Variants in KPNA5 observed in about 807,000 individuals in gnomAD.
The protein encoded by KPNA5 is karyopherin subunit alpha 5.
KPNA5 carries 46 observed loss-of-function variants against 71.3 expected under a neutral mutation model. The observed-to-expected ratio is 0.65, with a 90% confidence interval of 0.51 to 0.83. The LOEUF (loss-of-function observed/expected upper bound fraction) is 0.83. Among genes scored for constraint, KPNA5 ranks in the 40% least tolerant of loss-of-function variants. The pLI, the probability that KPNA5 is intolerant of heterozygous loss-of-function variation, is 0.00. For synonymous variants in KPNA5, 207 were observed against 201.4 expected (o/e 1.03, Z -0.24); for missense variants, 547 against 628.3 (o/e 0.87, Z 1.38).
chr6:116,729,696 G>A lies in KPNA5; in HGVS notation c.1387G>A (p.Gly463Arg), dbSNP rs1433854401. ...RLGEQESKQNGIGINPYCALI... is the reference protein window; with the variant it reads ...RLGEQESKQNRIGINPYCALI... ...TGGAGAACAAGAATCTAAGCAGAAT[G>A]GAATAGGCATTAATCCATACTGTGC... Residue 463 changes from glycine to arginine, a missense_variant, in exon 13 of 14, where the codon GGA becomes AGA. Coordinates refer to ENST00000368564, the MANE Select transcript of KPNA5 (RefSeq NM_001366306.2). 1 of 1,607,822 alleles carries A rather than the reference G, an allele frequency of 6.2e-7. No individual in the cohort carries two copies. Among genetic ancestry groups the A allele is most frequent in the Admixed American group, 1.7e-5 (1 of 59,158 alleles).
chr6:116,714,182 C>T (rs980894069), intron 7 of KPNA5, among the ~76,000 whole-genome samples: 4 of 151,878 alleles, frequency 2.6e-5, no homozygotes, highest in Admixed American at 2.6e-4. Context: ...TCAGATTCTC[C>T]TCTCCTTCCA....
intron 5 of KPNA5, among the ~76,000 whole-genome samples, 188 bp downstream of exon 5, chr6:116,698,986 A>C (rs547289460): frequency 7.9e-5 from 12 of 152,130 alleles, no homozygotes; most frequent in Non-Finnish European, 1.3e-4. Context: ...AGGAATTGTT[A>C]TTTTATTAAG....
At chr6:116,683,440 AT>A (rs1777437040) in intron 1 of KPNA5, among the ~76,000 whole-genome samples, 1 of 152,164 alleles carries the variant, frequency 6.6e-6, no homozygotes, top group Non-Finnish European at 1.5e-5. Context: ...TCAACAACTA[AT>A]ACTGTGGTCA....
intron 8 of KPNA5, among the ~76,000 whole-genome samples, chr6:116,721,196 C>T (rs1324916437): frequency 1.3e-5 from 2 of 151,808 alleles, no homozygotes; most frequent in Non-Finnish European, 2.9e-5. Flanking sequence ...AGAAGAGGAT[C>T]GTTTATATAC....
chr6:116,693,403 T>G (rs2114382611), intron 4 of KPNA5, among the ~76,000 whole-genome samples: 1 of 152,312 alleles, frequency 6.6e-6, no homozygotes, highest in South Asian at 2.1e-4. Flanking sequence ...ACCTGTTGTT[T>G]CCTAACTTTT....
chr6:116,729,026 G>A (rs1779380546), intron 12 of KPNA5, among the ~76,000 whole-genome samples: 1 of 151,874 alleles, frequency 6.6e-6, no homozygotes, highest in Non-Finnish European at 1.5e-5. Flanking sequence ...TGTTCCTACA[G>A]GCCTTCTATC....
chr6:116,695,843 A>T (rs542387110), intron 4 of KPNA5, among the ~76,000 whole-genome samples: 1 of 152,252 alleles, frequency 6.6e-6, no homozygotes, highest in South Asian at 2.1e-4. Context: ...TTTGACATAC[A>T]TGTCATACTG....
At chr6:116,718,765 T>C (rs1042157783) in intron 8 of KPNA5, among the ~76,000 whole-genome samples, 20 of 146,600 alleles carry the variant, frequency 1.4e-4, no homozygotes, top group Non-Finnish European at 2.7e-4. Context: ...TGAAATTTTC[T>C]TTTTTTTTTC....
At chr6:116,700,297 C>T (rs1562436106) in intron 5 of KPNA5, among the ~76,000 whole-genome samples, 2 of 143,138 alleles carry the variant, frequency 1.4e-5, no homozygotes, top group Admixed American at 6.9e-5. Flanking sequence ...ATAGTGAGAC[C>T]TCATCTCTAC....
intron 13 of KPNA5, among the ~76,000 whole-genome samples, chr6:116,731,048 GCC>G (rs1779464837): frequency 6.6e-6 from 1 of 151,510 alleles, no homozygotes; most frequent in Non-Finnish European, 1.5e-5. Context: ...CAAAGTCATT[GCC>G]TCCACAGAGA....
intron 5 of KPNA5, among the ~76,000 whole-genome samples, chr6:116,700,165 G>C (rs1224419513): frequency 6.6e-6 from 1 of 152,098 alleles, no homozygotes; most frequent in Non-Finnish European, 1.5e-5. Flanking sequence ...GATAGCGTGT[G>C]TAGACAGCAC....
chr6:116,723,372 CAT>C (rs1395240285), intron 9 of KPNA5, among the ~76,000 whole-genome samples: 1 of 152,100 alleles, frequency 6.6e-6, no homozygotes, highest in Non-Finnish European at 1.5e-5. Context: ...AACACTTCTA[CAT>C]TAATAAGCTG....
At position 116,692,044 on chromosome 6, in the gene KPNA5, C is replaced by G; in HGVS notation, c.139-11C>G. Reference sequence around the variant, plus strand: ...AAGCTCAATGTGTAAACTGATTTCTCTTTATTACAGTTGTTCAAACGCAGA... The same window carrying G: ...AAGCTCAATGTGTAAACTGATTTCTGTTTATTACAGTTGTTCAAACGCAGA... On this transcript the variant is annotated splice_polypyrimidine_tract_variant and intron_variant, in intron 2 of 13. Coordinates refer to ENST00000368564, the MANE Select transcript of KPNA5 (RefSeq NM_001366306.2). 5 of 1,570,576 alleles carry G rather than the reference C, an allele frequency of 3.2e-6. No homozygotes were observed. Among genetic ancestry groups the G allele is most frequent in the Non-Finnish European group, 4.4e-6 (5 of 1,141,744 alleles).
chr6:116,714,859 A>G (rs534058122), intron 7 of KPNA5, among the ~76,000 whole-genome samples: 1 of 152,266 alleles, frequency 6.6e-6, no homozygotes, highest in East Asian at 1.9e-4. Flanking sequence ...GACAAACACA[A>G]TTTCTTGGAA....
At chr6:116,687,237 G>C (rs906315735) in intron 1 of KPNA5, among the ~76,000 whole-genome samples, 2 of 152,062 alleles carry the variant, frequency 1.3e-5, no homozygotes, top group Non-Finnish European at 2.9e-5. Context: ...CACTCTAGAG[G>C]TCTTTCACCT....
chr6:116,724,175 T>C, intron 9 of KPNA5, 122 bp from the exon 10 acceptor site: 1 of 594,978 alleles, frequency 1.7e-6, no homozygotes, highest in Non-Finnish European at 3.0e-6. Flanking sequence ...ATCAGAATAA[T>C]TAGTAAAACT....
rs1333560258 is a variant in KPNA5 at position 116,738,599 on chromosome 6, C to T, written c.*6276C>T. The T allele has an allele frequency of 6.6e-6, 1 of 152,004 alleles. No homozygotes were observed. Among genetic ancestry groups the T allele is most frequent in the African/African-American group, 2.4e-5 (1 of 41,374 alleles). 9.4% of individuals were successfully genotyped at this position (152,004 alleles called of 1,614,324 possible). A position where few individuals can be genotyped will look rare whatever the true frequency, so the allele number is the denominator to read the frequency against. ...TGGTGAACATTGATGCAAAAATCCT[C>T]AATAAAATACTGGCAAACCGAATCC... On this transcript the variant is annotated 3_prime_UTR_variant, in exon 14 of 14. Coordinates refer to ENST00000368564, the MANE Select transcript of KPNA5 (RefSeq NM_001366306.2).
intron 1 of KPNA5, among the ~76,000 whole-genome samples, chr6:116,686,373 C>T (rs9387430): frequency 0.19 from 28,144 of 152,018 alleles, 2,756 homozygotes; most frequent in East Asian, 0.3. Flanking sequence ...TGTTCATGTC[C>T]TTTGCTCACT....
At chr6:116,703,170 A>G (rs1411355770) in intron 6 of KPNA5, among the ~76,000 whole-genome samples, 1 of 152,138 alleles carries the variant, frequency 6.6e-6, no homozygotes, top group African/African-American at 2.4e-5. Flanking sequence ...GGTGGTGTTA[A>G]TAATATTGTG....
Sources: gnomAD v4.1 joint callset for allele counts (sites outside exome capture counted in the v4.1 genomes callset) on GRCh38, gnomAD v4.1.1 for gene constraint, MANE v1.5 for transcripts, NCBI Gene and HGNC (gene_info 2026-07-23, HGNC 2026-07-21) for gene names.